Variants in CEP112 observed in about 807,000 individuals in gnomAD.
The protein encoded by CEP112 is centrosomal protein 112, also known as centrosomal protein of 112 kDa.
Under a neutral mutation model 153.0 loss-of-function variants are expected in CEP112, and 127 were observed. The observed-to-expected ratio is 0.83, with a 90% CI of 0.72 to 0.96. The LOEUF is 0.96. Ranked by LOEUF, CEP112 falls within the 40% of genes least tolerant of loss-of-function variation. CEP112 has a pLI of 0.00. For missense variants in CEP112, 1,089 were observed against 1,101.2 expected (o/e 0.99, Z 0.16); for synonymous variants, 358 against 374.4 (o/e 0.96, Z 0.51).
In CEP112 at chr17:65,971,607, CATAT is replaced by C. The variant is rs1568320732; in HGVS notation, c.1737-10013_1737-10010del. 8.2e-5 allele frequency among the ~76,000 whole-genome samples: 11 copies of C among 134,306 alleles called. No individual in the cohort carries two copies. The East Asian group carries it at 2.6e-3, about 32-fold the overall frequency. The allele number at this position is 134,306 out of a possible 152,430, so 88.1% of individuals were successfully genotyped here. On this transcript the variant is annotated intron_variant, in intron 17 of 26. Coordinates refer to ENST00000535342, the MANE Select transcript of CEP112 (RefSeq NM_001199165.4). ...ATATTACATGCATGCATATTGTGTGCATATTATATGTATATCCCATGCATATTGC... is the reference window on the plus strand; with the variant it reads ...ATATTACATGCATGCATATTGTGTGCTATATGTATATCCCATGCATATTGC...
rs567614002 is a variant in CEP112 at position 65,760,706 on chromosome 17, T to A, written c.2395-9982A>T. ...AATGGAATATAATGGTTAATAGATTTTTTTTCTTATAATGCTTCTGTCTGG... is the reference window on the plus strand; with the variant it reads ...AATGGAATATAATGGTTAATAGATTATTTTTCTTATAATGCTTCTGTCTGG... On this transcript the variant is annotated intron_variant, in intron 21 of 26. Coordinates refer to ENST00000535342, the MANE Select transcript of CEP112 (RefSeq NM_001199165.4). 1.4e-3 allele frequency among the ~76,000 whole-genome samples: 213 copies of A among 152,286 alleles called. 1 individual carries two copies. Among genetic ancestry groups the A allele is most frequent in the Middle Eastern group, 6.8e-3 (2 of 294 alleles).
intron 20 of CEP112, among the ~76,000 whole-genome samples, chr17:65,858,927 A>T (rs2058212069): frequency 6.6e-6 from 1 of 152,220 alleles, no homozygotes. Context: ...TGTCATCAAT[A>T]ACCACCTCAT....
At chr17:66,015,822 T>C (rs899618672) in intron 16 of CEP112, among the ~76,000 whole-genome samples, 8 of 152,200 alleles carry the variant, frequency 5.3e-5, no homozygotes, top group South Asian at 2.1e-4. Context: ...ATATCTTTAG[T>C]TATTTTTGTG....
At chr17:65,701,415 A>C (rs180735138) in intron 23 of CEP112, among the ~76,000 whole-genome samples, 11 of 152,368 alleles carry the variant, frequency 7.2e-5, no homozygotes, top group African/African-American at 2.6e-4. Context: ...GATGATGCCA[A>C]TGGCTTGACC....
intron 23 of CEP112, among the ~76,000 whole-genome samples, chr17:65,701,894 TTTTG>T (rs1442719148): frequency 9.9e-5 from 15 of 150,848 alleles, no homozygotes; most frequent in African/African-American, 3.7e-4. Context: ...TTCTTTTTTT[TTTTG>T]TTTTTTTTTT....
chr17:65,905,044 C>G (rs2060017447), intron 19 of CEP112, among the ~76,000 whole-genome samples: 2 of 152,118 alleles, frequency 1.3e-5, no homozygotes, highest in Admixed American at 1.3e-4. Flanking sequence ...GAGGCATGGG[C>G]AAAGACTTCA....
intron 23 of CEP112, among the ~76,000 whole-genome samples, chr17:65,718,756 C>T (rs1020998725): frequency 6.6e-6 from 1 of 152,126 alleles, no homozygotes; most frequent in African/African-American, 2.4e-5. Context: ...ACATTGCAGA[C>T]CTTCTAGATA....
chr17:65,810,505 C>T (rs1032732962), intron 21 of CEP112, among the ~76,000 whole-genome samples: 53 of 152,010 alleles, frequency 3.5e-4, no homozygotes, highest in African/African-American at 1.2e-3. Context: ...ATTGAACTTA[C>T]AATCTGAAAA....
chr17:65,931,507 T>A (rs2061121945), intron 18 of CEP112, among the ~76,000 whole-genome samples: 2 of 152,190 alleles, frequency 1.3e-5, no homozygotes, highest in Admixed American at 6.5e-5. Context: ...CACTTCTGCC[T>A]CGCCTTAAAA....
intron 8 of CEP112, among the ~76,000 whole-genome samples, chr17:66,085,711 G>A (rs1040473164): frequency 6.6e-6 from 1 of 152,048 alleles, no homozygotes; most frequent in African/African-American, 2.4e-5. Flanking sequence ...GAGCACGGTG[G>A]CTCACGCCTG....
intron 23 of CEP112, among the ~76,000 whole-genome samples, chr17:65,720,775 T>C (rs1222765192): frequency 6.6e-6 from 1 of 152,220 alleles, no homozygotes; most frequent in Non-Finnish European, 1.5e-5. Flanking sequence ...GTAGGACCTA[T>C]TAAGTAGCAG....
intron 18 of CEP112, among the ~76,000 whole-genome samples, chr17:65,945,277 A>G (rs1030375993): frequency 6.6e-6 from 1 of 152,194 alleles, no homozygotes; most frequent in Non-Finnish European, 1.5e-5. Flanking sequence ...TTACTTATCC[A>G]TGTTACTTCT....
chr17:66,158,379 G>A (rs1348193887), intron 4 of CEP112, among the ~76,000 whole-genome samples: 4 of 152,132 alleles, frequency 2.6e-5, no homozygotes, highest in Non-Finnish European at 5.9e-5. Flanking sequence ...TTGGGAGGCC[G>A]AGGGAGGCGG....
chr17:65,904,205 A>G lies in CEP112; in HGVS notation c.1981-1871T>C, dbSNP rs551362810. Among the ~76,000 whole-genome samples the G allele has an allele frequency of 5.9e-5, 9 of 152,346 alleles. No homozygotes were observed. The East Asian group carries it at 1.2e-3, about 20-fold the overall frequency. On this transcript the variant is annotated intron_variant, in intron 19 of 26. Coordinates refer to ENST00000535342, the MANE Select transcript of CEP112 (RefSeq NM_001199165.4). The stretch of plus-strand genomic sequence containing the variant: ...CATGATTGTATATTTGGAAAACCCC[A>G]TCGTCTCAGCCCCAAATCTCCTTAA...
At chr17:65,637,257 G>T (rs1598151182) in intron 25 of CEP112, 69 bp from the exon 26 acceptor site, 2 of 1,023,280 alleles carry the variant, frequency 2.0e-6, no homozygotes, top group Non-Finnish European at 3.1e-6. Context: ...AAATAGTATG[G>T]TAAGATTTTA....
intron 17 of CEP112, among the ~76,000 whole-genome samples, chr17:65,975,831 G>C (rs1292869129): frequency 1.3e-5 from 2 of 152,142 alleles, no homozygotes; most frequent in Non-Finnish European, 2.9e-5. Context: ...CATGGCAAAA[G>C]CATAACATGT....
At chr17:65,861,073 T>C (rs1263578038) in intron 20 of CEP112, among the ~76,000 whole-genome samples, 1 of 152,154 alleles carries the variant, frequency 6.6e-6, no homozygotes, top group African/African-American at 2.4e-5. Context: ...ATAGATTAGA[T>C]TAGTGGATTG....
chr17:65,976,212 G>A (rs2063028405), intron 17 of CEP112, among the ~76,000 whole-genome samples: 1 of 152,168 alleles, frequency 6.6e-6, no homozygotes, highest in Admixed American at 6.5e-5. Flanking sequence ...GCTGTGACCT[G>A]GTGAGCACAT....
rs554214142 is a variant in CEP112 at position 65,913,469 on chromosome 17, G to C, written c.1981-11135C>G. ...GTCTTACTTTCTGAACACTTTAATA[G>C]AAATAGGCACAAAAAAATTGTAAAA... On this transcript the variant is annotated intron_variant, in intron 19 of 26. Transcript: ENST00000535342. 7.1e-5 allele frequency: 70 copies of C among 983,282 alleles called. No homozygotes were observed. In the African/African-American group the frequency reaches 1.2e-3, roughly 16 times the overall value. The allele number at this position is 983,282 out of a possible 1,614,324, so 60.9% of individuals were successfully genotyped here.
Sources: gnomAD v4.1 joint callset for allele counts (sites outside exome capture counted in the v4.1 genomes callset) on GRCh38, gnomAD v4.1.1 for gene constraint, MANE v1.5 for transcripts, NCBI Gene and HGNC (gene_info 2026-07-23, HGNC 2026-07-21) for gene names.